The following ZCCHC7 variants were observed in gnomAD, a reference collection of about 807,000 sequenced individuals.
ZCCHC7 encodes zinc finger CCHC-type containing 7.
Under a neutral mutation model 52.0 loss-of-function variants are expected in ZCCHC7, and 35 were observed. The observed-to-expected ratio is 0.67, with a 90% confidence interval of 0.51 to 0.89. ZCCHC7 has a LOEUF of 0.89. ZCCHC7 is among the 40% of genes least tolerant of loss of function. The pLI is 0.00. For synonymous variants in ZCCHC7, 217 were observed against 221.5 expected (o/e 0.98, Z 0.18); for missense variants, 574 against 649.1 (o/e 0.88, Z 1.26).
At chr9:37,139,701 C>T (rs531052308) in intron 2 of ZCCHC7, among the ~76,000 whole-genome samples, 34 of 152,062 alleles carry the variant, frequency 2.2e-4, no homozygotes, top group African/African-American at 7.9e-4. Context: ...ATCATTTGTA[C>T]TTCCCCTCCC....
chr9:37,293,441 T>C (rs1384210038), intron 2 of ZCCHC7, among the ~76,000 whole-genome samples: 1 of 152,210 alleles, frequency 6.6e-6, no homozygotes, highest in African/African-American at 2.4e-5. Flanking sequence ...TTATACAGCC[T>C]TTAAATCTTC....
chr9:37,200,949 T>G (rs1192009338), intron 2 of ZCCHC7, among the ~76,000 whole-genome samples: 1 of 152,244 alleles, frequency 6.6e-6, no homozygotes, highest in East Asian at 1.9e-4. Flanking sequence ...AATCAGATTG[T>G]GAATAGGAAT....
chr9:37,309,628 G>A (rs1829498955), intron 5 of ZCCHC7, among the ~76,000 whole-genome samples: 1 of 152,036 alleles, frequency 6.6e-6, no homozygotes, highest in African/African-American at 2.4e-5. Context: ...TGACGATATT[G>A]AGAAACTTCC....
At chr9:37,270,324 A>G (rs1827341909) in intron 2 of ZCCHC7, among the ~76,000 whole-genome samples, 1 of 152,126 alleles carries the variant, frequency 6.6e-6, no homozygotes, top group Admixed American at 6.5e-5. Context: ...ATATTATCAG[A>G]GTCAAGTTCT....
Position 37,345,288 on chromosome 9 carries a change from A to G in ZCCHC7, c.988-4069A>G, listed in dbSNP as rs77181633. Among the ~76,000 whole-genome samples the G allele has an allele frequency of 2.6e-4, 39 of 152,310 alleles. 1 individual carries two copies. The East Asian group carries it at 7.1e-3, about 28-fold the overall frequency. On this transcript the variant is annotated intron_variant, in intron 6 of 8. Transcript: ENST00000336755. ...TAAGCCATGTATGCTTGTGGCTGCA[A>G]TTTGATGTCACGTCAAATAATATAG...
In ZCCHC7 at chr9:37,197,986, A is replaced by G. The variant is rs12683545; in HGVS notation, c.610+71044A>G. 9.2e-5 allele frequency among the ~76,000 whole-genome samples: 14 copies of G among 152,270 alleles called. No individual in the cohort carries two copies. The East Asian group carries it at 2.5e-3, about 27-fold the overall frequency. On this transcript the variant is annotated intron_variant, in intron 2 of 8. Transcript: ENST00000336755. ...ATGACTGTCTATAAGGAAAAAGGGG[A>G]ATTTCCCATCTTATAAAATGACAAA...
intron 2 of ZCCHC7, among the ~76,000 whole-genome samples, chr9:37,134,748 G>A (rs960111989): frequency 9.9e-5 from 15 of 152,052 alleles, no homozygotes; most frequent in South Asian, 2.1e-4. Flanking sequence ...TTTTTGAGAC[G>A]GAATTTCGCT....
At chr9:37,177,630 A>G (rs1301498232) in intron 2 of ZCCHC7, among the ~76,000 whole-genome samples, 1 of 152,206 alleles carries the variant, frequency 6.6e-6, no homozygotes, top group Non-Finnish European at 1.5e-5. Context: ...ACTAAGAGAG[A>G]ACACAATAAG....
rs2118690690 is a variant in ZCCHC7, at chr9:37,354,596, C to CAT, written c.1084-113_1084-112dup. ...CAAGGACCATATCCTACAGCCACCA[C>CAT]ATGAGGTACCAGTGACATGGGGCTC... On this transcript the variant is annotated intron_variant, in intron 7 of 8. Coordinates refer to ENST00000336755, the MANE Select transcript of ZCCHC7 (RefSeq NM_032226.3). The surrounding 1 kb of genome is among the most constrained non-coding windows in gnomAD (Gnocchi z 4.0). The CAT allele has an allele frequency of 1.4e-6, 1 of 697,744 alleles. No individual in the cohort carries two copies. The highest frequency in any genetic ancestry group is 2.7e-5 in the East Asian group (1 of 37,406). The allele number at this position is 697,744 out of a possible 1,614,324, so 43.2% of individuals were successfully genotyped here. A position where few individuals can be genotyped will look rare whatever the true frequency, so the allele number is the denominator to read the frequency against.
At position 37,304,231 on chromosome 9, in the gene ZCCHC7, G is replaced by A. The variant is rs369878950; in HGVS notation, c.698G>A (p.Arg233Gln). 4.0e-5 allele frequency: 65 copies of A among 1,613,460 alleles called. No individual in the cohort carries two copies. Among genetic ancestry groups the A allele is most frequent in the Middle Eastern group, 1.6e-4 (1 of 6,076 alleles). ...NNRTPGRWTQ[R>Q]YYSANKNIIC... is the part of the protein sequence containing the mutation. The stretch of plus-strand genomic sequence containing the variant: ...CGAACACCTGGAAGATGGACCCAGC[G>A]GTACTATTCAGCCAACAAAAACATT... Residue 233 changes from arginine (R) to glutamine (Q), a missense_variant, in exon 4 of 9, where the codon CGG becomes CAG. Physicochemically the swap from Arg to Gln is conservative, Grantham distance 43. Coordinates refer to ENST00000336755, the MANE Select transcript of ZCCHC7 (RefSeq NM_032226.3).
In ZCCHC7 at chr9:37,357,262, G is replaced by T. The variant is rs1433387706; in HGVS notation, c.1626G>T (p.Lys542Asn). The change falls in exon 9 of 9, where the codon AAG becomes AAT. Residue 542 changes from lysine (K) to asparagine (N), a missense_variant. Lys to Asn is a moderately conservative substitution (Grantham distance 94, BLOSUM62 0). Coordinates refer to ENST00000336755, the MANE Select transcript of ZCCHC7 (RefSeq NM_032226.3). The part of the protein sequence containing the change: ...NLFLIKQRKK[K>N]S ...TTCTTATTAAGCAGAGAAAAAAAAA[G>T]TCTTAAGCCGTCAGGCAGCCTCTGA... 5.7e-6 allele frequency: 9 copies of T among 1,587,998 alleles called. No individual in the cohort carries two copies. Among genetic ancestry groups the T allele is most frequent in the Non-Finnish European group, 6.8e-6 (8 of 1,171,870 alleles).
intron 2 of ZCCHC7, among the ~76,000 whole-genome samples, chr9:37,170,017 T>C (rs1821643974): frequency 6.6e-6 from 1 of 151,900 alleles, no homozygotes. Flanking sequence ...TGAGCTATGA[T>C]TGTGCCACTG....
chr9:37,290,534 T>G (rs1474201939), intron 2 of ZCCHC7, among the ~76,000 whole-genome samples: 1 of 151,980 alleles, frequency 6.6e-6, no homozygotes, highest in Admixed American at 6.6e-5. Context: ...CATGTCGCAG[T>G]AGTACCAGCT....
intron 2 of ZCCHC7, among the ~76,000 whole-genome samples, chr9:37,191,791 A>G (rs1348776887): frequency 1.3e-5 from 2 of 152,212 alleles, no homozygotes; most frequent in African/African-American, 4.8e-5. Flanking sequence ...AAACCATTTC[A>G]CCTGCTCTTT....
chr9:37,242,101 G>T (rs543878153), intron 2 of ZCCHC7, among the ~76,000 whole-genome samples: 34 of 151,788 alleles, frequency 2.2e-4, no homozygotes, highest in Admixed American at 1.6e-3. Context: ...ATAGGGGTAG[G>T]TGCATAGAGC....
At chr9:37,322,128 A>C (rs1029919890) in intron 5 of ZCCHC7, 2 of 152,170 alleles carry the variant, frequency 1.3e-5, no homozygotes, top group Admixed American at 1.3e-4. Flanking sequence ...AGAAAGCAGG[A>C]AGTAAGACCT....
At chr9:37,343,008 A>G (rs1476387380) in intron 6 of ZCCHC7, among the ~76,000 whole-genome samples, 2 of 152,230 alleles carry the variant, frequency 1.3e-5, no homozygotes, top group African/African-American at 4.8e-5. Flanking sequence ...TAAGCCAAAC[A>G]TAATCTTTGT....
At chr9:37,286,725 A>G (rs1438995545) in intron 2 of ZCCHC7, among the ~76,000 whole-genome samples, 1 of 151,966 alleles carries the variant, frequency 6.6e-6, no homozygotes, top group African/African-American at 2.4e-5. Context: ...TAAGCTCTTT[A>G]TATGTATTAG....
intron 2 of ZCCHC7, among the ~76,000 whole-genome samples, chr9:37,194,755 A>G (rs547865770): frequency 2.0e-5 from 3 of 152,156 alleles, no homozygotes; most frequent in Non-Finnish European, 4.4e-5. Context: ...GACAAATTGA[A>G]TCTCTAACAA....
Sources: allele counts gnomAD v4.1 joint callset (sites outside exome capture counted in the v4.1 genomes callset), GRCh38; gene constraint gnomAD v4.1.1; non-coding constraint Gnocchi (gnomAD v3.1); transcripts MANE v1.5; gene names NCBI Gene and HGNC (gene_info 2026-07-23, HGNC 2026-07-21).